AP1M1: variants seen among roughly 807,000 people sequenced by gnomAD.
AP1M1 encodes the protein adaptor related protein complex 1 subunit mu 1.
A neutral mutation model predicts 57.1 loss-of-function variants in AP1M1; 18 were observed. The observed-to-expected ratio is 0.32, with a 90% CI of 0.22 to 0.47. AP1M1 has a LOEUF of 0.47. Among genes scored for constraint, AP1M1 ranks in the 20% least tolerant of loss-of-function variants. The pLI is 1.00. For missense variants in AP1M1, 362 were observed against 593.5 expected (o/e 0.61, Z 4.05); for synonymous variants, 241 against 237.9 (o/e 1.01, Z -0.12).
intron 5 of AP1M1, among the ~76,000 whole-genome samples, chr19:16,210,865 C>T (rs1241289107): frequency 6.6e-6 from 1 of 152,124 alleles, no homozygotes; most frequent in Non-Finnish European, 1.5e-5. Flanking sequence ...TGGCCTATTC[C>T]ATTTTCTTAA....
chr19:16,226,768 C>T lies in AP1M1; in HGVS notation c.673+221C>T, dbSNP rs947001376. On this transcript the variant is annotated intron_variant, in intron 6 of 11. Coordinates refer to ENST00000291439, the MANE Select transcript of AP1M1 (RefSeq NM_032493.4). ...GATCCTCCAGTCCAGCTGGGAGGCC[C>T]CCGTCACCCGGCCTCACACGCCAGG... 1.2e-5 allele frequency: 7 copies of T among 576,440 alleles called. No individual in the cohort carries two copies. In the South Asian group the frequency reaches 1.9e-4, roughly 15 times the overall value. 35.7% of individuals were successfully genotyped at this position (576,440 alleles called of 1,614,324 possible).
chr19:16,216,050 T>G (rs1177263279), intron 5 of AP1M1, among the ~76,000 whole-genome samples: 2 of 152,210 alleles, frequency 1.3e-5, no homozygotes, highest in Non-Finnish European at 2.9e-5. Context: ...CTGGCTGTTT[T>G]GTCTGCCAGC....
chr19:16,197,982 C>G lies in AP1M1; in HGVS notation c.-45C>G, dbSNP rs753640801. On this transcript the variant is annotated 5_prime_UTR_variant, in exon 1 of 12. Coordinates refer to ENST00000291439, the MANE Select transcript of AP1M1 (RefSeq NM_032493.4). ...GCCCAGCAGTCCCCACCGTCGCTGC[C>G]GCCGCCACCGCCCTCGGCCGCTGCC... 45 of 1,531,640 alleles carry G rather than the reference C, an allele frequency of 2.9e-5. No individual in the cohort carries two copies. Among genetic ancestry groups the G allele is most frequent in the Non-Finnish European group, 3.6e-5 (41 of 1,139,450 alleles). The allele number at this position is 1,531,640 out of a possible 1,614,324, so 94.9% of individuals were successfully genotyped here.
At chr19:16,233,397 G>A in intron 9 of AP1M1, 96 bp from the exon 10 acceptor site, 1 of 1,420,738 alleles carries the variant, frequency 7.0e-7, no homozygotes, top group Admixed American at 2.7e-5. Context: ...GGACTGGGGT[G>A]AGTGGTCAGT....
At chr19:16,221,285 A>G (rs1318546859) in intron 5 of AP1M1, among the ~76,000 whole-genome samples, 1 of 152,246 alleles carries the variant, frequency 6.6e-6, no homozygotes, top group African/African-American at 2.4e-5. Context: ...CGGTACCACA[A>G]GGAAAAATCA....
intron 5 of AP1M1, among the ~76,000 whole-genome samples, chr19:16,210,103 G>A (rs529944824): frequency 1.7e-4 from 26 of 152,286 alleles, no homozygotes; most frequent in African/African-American, 5.3e-4. Context: ...TGAGATTGTC[G>A]TATGAATGGC....
At chr19:16,225,607 G>A (rs1335149279) in intron 5 of AP1M1, among the ~76,000 whole-genome samples, 2 of 152,214 alleles carry the variant, frequency 1.3e-5, no homozygotes, top group Admixed American at 6.5e-5. Flanking sequence ...CTCGGCATGC[G>A]CAGTGGGTTA....
chr19:16,215,200 C>CGGGG (rs1192567428), intron 5 of AP1M1, among the ~76,000 whole-genome samples: 8 of 7,370 alleles, frequency 1.1e-3, no homozygotes, highest in South Asian at 4.7e-3. Context: ...AAGGCGGGGG[C>CGGGG]GGGGGGGGGG....
chr19:16,213,531 G>C (rs756917469), intron 5 of AP1M1, among the ~76,000 whole-genome samples: 7 of 151,952 alleles, frequency 4.6e-5, no homozygotes, highest in Non-Finnish European at 7.4e-5. Context: ...GTCTTGCTGT[G>C]TTGCCCAGGC....
rs376948295 is a variant in AP1M1 at position 16,234,207 on chromosome 19, C to T, written c.1182C>T (p.Tyr394=). ...TGCTACCTGTGCCCCAGGTGCGCTA[C>T]CTGAAGATCATTGAGAAGAGTGGGT... The part of the protein sequence containing the change: ...YFTTSGIQVR[Y]LKIIEKSGYQ... Residue 394 remains tyrosine, a synonymous_variant, in exon 11 of 12, where the codon TAC becomes TAT. Transcript: ENST00000291439. The T allele has an allele frequency of 2.4e-4, 395 of 1,613,446 alleles. No homozygotes were observed. The highest frequency in any genetic ancestry group is 3.2e-4 in the Non-Finnish European group (383 of 1,179,730).
In AP1M1 at chr19:16,241,800, G is replaced by C. The variant is rs187460413; in HGVS notation, c.*7365G>C. The C allele has an allele frequency of 6.6e-6, 1 of 152,080 alleles. No individual in the cohort carries two copies. The highest frequency in any genetic ancestry group is 1.5e-5 in the Non-Finnish European group (1 of 68,050). 9.4% of individuals were successfully genotyped at this position (152,080 alleles called of 1,614,324 possible). A position where few individuals can be genotyped will look rare whatever the true frequency, so the allele number is the denominator to read the frequency against. On this transcript the variant is annotated 3_prime_UTR_variant, in exon 12 of 12. Transcript: ENST00000291439. ...ACCTGAGGTTGGGAGTTCGAGATCA[G>C]CCTGACTAACATGAGAAACCCCGTC...
intron 5 of AP1M1, among the ~76,000 whole-genome samples, chr19:16,211,603 A>T (rs2091494139): frequency 6.6e-6 from 1 of 152,110 alleles, no homozygotes; most frequent in Non-Finnish European, 1.5e-5. Flanking sequence ...TAGGAAAATT[A>T]GCCGGGCGTG....
At chr19:16,223,031 A>ACACGTG (rs1185636131) in intron 5 of AP1M1, among the ~76,000 whole-genome samples, 14 of 152,086 alleles carry the variant, frequency 9.2e-5, no homozygotes, top group Non-Finnish European at 2.1e-4. Context: ...TTGTATGCTG[A>ACACGTG]GTAATTTTGG....
intron 5 of AP1M1, 161 bp downstream of exon 5, chr19:16,209,338 CTT>C: frequency 1.7e-5 from 12 of 712,538 alleles, no homozygotes; most frequent in South Asian, 2.2e-5. Context: ...TTTGTCTTAT[CTT>C]TTTTTTTTGA....
At chr19:16,233,929 G>T (rs768472934) in intron 10 of AP1M1, 9 of 554,676 alleles carry the variant, frequency 1.6e-5, no homozygotes, top group Non-Finnish European at 2.8e-5. Context: ...CTCCCAGAGA[G>T]CCAGGGGCCT....
At chr19:16,232,946 C>T (rs2091605569) in intron 9 of AP1M1, among the ~76,000 whole-genome samples, 1 of 152,234 alleles carries the variant, frequency 6.6e-6, no homozygotes, top group Non-Finnish European at 1.5e-5. Flanking sequence ...CCCTCAGGAG[C>T]AGGACCCAGG....
rs529933933 is a variant in AP1M1 at position 16,234,595 on chromosome 19, C to T, written c.*160C>T. ...GCCTTCCCCAGGCCATCTGCTCTGCCGTCGACACTCGTCTCAGAAGCCCCT... is the reference window on the plus strand; with the variant it reads ...GCCTTCCCCAGGCCATCTGCTCTGCTGTCGACACTCGTCTCAGAAGCCCCT... On this transcript the variant is annotated 3_prime_UTR_variant, in exon 12 of 12. Coordinates refer to ENST00000291439, the MANE Select transcript of AP1M1 (RefSeq NM_032493.4). 8.4e-5 allele frequency: 66 copies of T among 781,396 alleles called. No homozygotes were observed. The African/African-American group carries it at 1.0e-3, about 12-fold the overall frequency. The allele number at this position is 781,396 out of a possible 1,614,324, so 48.4% of individuals were successfully genotyped here.
chr19:16,215,463 CAAAAAAAAAAAAAA>C (rs59357311), intron 5 of AP1M1, among the ~76,000 whole-genome samples: 362 of 31,046 alleles, frequency 0.012, 6 homozygotes, highest in African/African-American at 0.024. Context: ...GATTCCATCT[CAAAAAAAAAAAAAA>C]AAAAAAAAAA....
intron 9 of AP1M1, among the ~76,000 whole-genome samples, chr19:16,232,373 G>A (rs367999494): frequency 6.6e-6 from 1 of 152,246 alleles, no homozygotes; most frequent in Non-Finnish European, 1.5e-5. Context: ...GACACAGGCT[G>A]GGTGTGCAGG....
Sources: gnomAD v4.1 joint callset for allele counts (sites outside exome capture counted in the v4.1 genomes callset) on GRCh38, gnomAD v4.1.1 for gene constraint, MANE v1.5 for transcripts, NCBI Gene and HGNC (gene_info 2026-07-23, HGNC 2026-07-21) for gene names.